JMY: variants seen among roughly 807,000 people sequenced by gnomAD.
JMY encodes the protein junction-mediating and -regulatory protein.
JMY carries 46 observed loss-of-function variants against 103.3 expected under a neutral mutation model. The observed-to-expected ratio is 0.45, with a 90% CI of 0.35 to 0.57. The LOEUF is 0.57. JMY is among the 20% of genes least tolerant of loss of function. JMY has a pLI of 0.00. For synonymous variants in JMY, 526 were observed against 489.3 expected (o/e 1.07, Z -0.99); for missense variants, 1,238 against 1,255.2 (o/e 0.99, Z 0.21).
intron 1 of JMY, among the ~76,000 whole-genome samples, chr5:79,241,050 T>C (rs1419707103): frequency 3.3e-5 from 5 of 152,230 alleles, no homozygotes; most frequent in African/African-American, 7.2e-5. Flanking sequence ...CTTCTTTAAT[T>C]TCTATGAATC....
chr5:79,326,792 A>G lies in JMY; in HGVS notation c.*5190A>G, dbSNP rs1391859538. 1 of 152,218 alleles carries G rather than the reference A, an allele frequency of 6.6e-6. No individual in the cohort carries two copies. Among genetic ancestry groups the G allele is most frequent in the African/African-American group, 2.4e-5 (1 of 41,468 alleles). 9.4% of individuals were successfully genotyped at this position (152,218 alleles called of 1,614,324 possible). A position where few individuals can be genotyped will look rare whatever the true frequency, so the allele number is the denominator to read the frequency against. On this transcript the variant is annotated 3_prime_UTR_variant, in exon 11 of 11. Transcript: ENST00000396137. ...AAAGGTAGAAGCAAAACACTAGCAC[A>G]TTGTGCTTTGCTTGGCTTGTAAGGA...
At chr5:79,252,778 T>C (rs1745127572) in intron 1 of JMY, among the ~76,000 whole-genome samples, 1 of 152,254 alleles carries the variant, frequency 6.6e-6, no homozygotes, top group Admixed American at 6.5e-5. Flanking sequence ...TCCTGCTTTG[T>C]TTCCATTGAC....
intron 5 of JMY, 112 bp from the exon 6 acceptor site, chr5:79,300,564 A>AG: frequency 1.2e-6 from 1 of 834,296 alleles, no homozygotes; most frequent in Non-Finnish European, 1.8e-6. Flanking sequence ...GAAGCTTAAG[A>AG]GATAATGGCT....
Position 79,323,254 on chromosome 5 carries a change from A to C in JMY, c.*1652A>C, listed in dbSNP as rs1580381206. Reference sequence around the variant, plus strand: ...GGCGTGAGCCTCTGTGCCCAGCCTGACAAAATCTTTTATTTATTTAAATGT... The same window carrying C: ...GGCGTGAGCCTCTGTGCCCAGCCTGCCAAAATCTTTTATTTATTTAAATGT... On this transcript the variant is annotated 3_prime_UTR_variant, in exon 11 of 11. Transcript: ENST00000396137. The C allele has an allele frequency of 6.6e-6, 1 of 152,346 alleles. No individual in the cohort carries two copies. The highest frequency in any genetic ancestry group is 1.9e-4 in the East Asian group (1 of 5,184). The allele number at this position is 152,346 out of a possible 1,614,324, so 9.4% of individuals were successfully genotyped here.
chr5:79,324,905 G>GAA lies in JMY; in HGVS notation c.*3309_*3310dup, dbSNP rs1286214521. Reference sequence around the variant, plus strand: ...ACTTTGACTTACTCTATGTAATAAGGAAAAAAATTGTTTCCACAAAGTTGA... The same window carrying GAA: ...ACTTTGACTTACTCTATGTAATAAGGAAAAAAAAATTGTTTCCACAAAGTTGA... On this transcript the variant is annotated 3_prime_UTR_variant, in exon 11 of 11. Coordinates refer to ENST00000396137, the MANE Select transcript of JMY (RefSeq NM_152405.5). 1.3e-5 allele frequency: 2 copies of GAA among 152,484 alleles called. No homozygotes were observed. The highest frequency in any genetic ancestry group is 4.8e-5 in the African/African-American group (2 of 41,424). The allele number at this position is 152,484 out of a possible 1,614,324, so 9.4% of individuals were successfully genotyped here.
At position 79,327,015 on chromosome 5, in the gene JMY, G is replaced by T. The variant is rs1580384524; in HGVS notation, c.*5413G>T. ...TTTGACTGTTGCCTTTTGCTCTTTAGTGCAGCTTTTCTGCATTGTAATTGT... is the reference window on the plus strand; with the variant it reads ...TTTGACTGTTGCCTTTTGCTCTTTATTGCAGCTTTTCTGCATTGTAATTGT... On this transcript the variant is annotated 3_prime_UTR_variant, in exon 11 of 11. Transcript: ENST00000396137. The T allele has an allele frequency of 5.3e-5, 8 of 152,166 alleles. No individual in the cohort carries two copies. 9.4% of individuals were successfully genotyped at this position (152,166 alleles called of 1,614,324 possible).
chr5:79,316,581 A>G (rs1747228195), intron 10 of JMY, among the ~76,000 whole-genome samples: 1 of 152,034 alleles, frequency 6.6e-6, no homozygotes, highest in South Asian at 2.1e-4. Context: ...TGTAATTGCA[A>G]GTAAAGTGAC....
At chr5:79,280,544 C>T (rs1478864163) in intron 2 of JMY, among the ~76,000 whole-genome samples, 1 of 152,088 alleles carries the variant, frequency 6.6e-6, no homozygotes. Context: ...AGAAAATGCC[C>T]CATCAATCAT....
At chr5:79,288,352 TTC>T (rs1207205698) in intron 2 of JMY, among the ~76,000 whole-genome samples, 2 of 152,178 alleles carry the variant, frequency 1.3e-5, no homozygotes, top group Non-Finnish European at 2.9e-5. Flanking sequence ...TCAGTGGTTT[TTC>T]TCTCTTTATG....
rs544157105 is a variant in JMY at position 79,247,715 on chromosome 5, C to A, written c.1032+10033C>A. Among the ~76,000 whole-genome samples the A allele has an allele frequency of 3.3e-5, 5 of 151,842 alleles. No homozygotes were observed. In the South Asian group the frequency reaches 8.3e-4, roughly 25 times the overall value. ...TTGCCCAGGATGGAGTATAGTGGCA[C>A]AATCTCTGCTCACTGCAACTTCCAC... On this transcript the variant is annotated intron_variant, in intron 1 of 10. Transcript: ENST00000396137.
rs1446273538 is a variant in JMY at position 79,277,928 on chromosome 5, A to T, written c.1051A>T (p.Asn351Tyr). ...RIQELLDKHK[N>Y]TESMVELLDL... ...TCCACAGCTCTTGGATAAGCACAAG[A>T]ATACAGAGAGCATGGTGGAGCTTCT... Residue 351 changes from asparagine (N) to tyrosine (Y), a missense_variant, in exon 2 of 11, where the codon AAT (asparagine) becomes TAT (tyrosine). Transcript: ENST00000396137. 2.5e-6 allele frequency: 4 copies of T among 1,613,522 alleles called. No individual in the cohort carries two copies.
Position 79,290,101 on chromosome 5 carries a change from T to A in JMY, c.1207-20T>A. 1 of 1,553,852 alleles carries A rather than the reference T, an allele frequency of 6.4e-7. No individual in the cohort carries two copies. Among genetic ancestry groups the A allele is most frequent in the South Asian group, 1.2e-5 (1 of 81,500 alleles). The stretch of plus-strand genomic sequence containing the variant: ...GAAGAAAGACTTGAACTTCTTAATT[T>A]TTTCTTTTTCTCTCTGAAGATTTCC... On this transcript the variant is annotated intron_variant, in intron 2 of 10. Transcript: ENST00000396137.
intron 6 of JMY, 49 bp from the exon 7 acceptor site, chr5:79,306,324 CAG>C: frequency 7.7e-7 from 1 of 1,293,630 alleles, no homozygotes; most frequent in Non-Finnish European, 1.1e-6. Context: ...GTGTGGTGTT[CAG>C]AGTCTTTCAA....
At chr5:79,285,292 C>T (rs1460031148) in intron 2 of JMY, among the ~76,000 whole-genome samples, 1 of 152,022 alleles carries the variant, frequency 6.6e-6, no homozygotes, top group Non-Finnish European at 1.5e-5. Flanking sequence ...CCCCCACCCG[C>T]CCACTGCCAG....
At chr5:79,278,351 A>G (rs752888213) in intron 2 of JMY, among the ~76,000 whole-genome samples, 1 of 152,026 alleles carries the variant, frequency 6.6e-6, no homozygotes, top group Non-Finnish European at 1.5e-5. Context: ...TTGTAAATAC[A>G]TTGGGAGGAT....
intron 1 of JMY, among the ~76,000 whole-genome samples, chr5:79,245,268 G>GTA (rs1192438754): frequency 6.6e-6 from 1 of 152,120 alleles, no homozygotes; most frequent in Non-Finnish European, 1.5e-5. Flanking sequence ...ACAAATAGTA[G>GTA]TATAGGCACT....
chr5:79,246,034 C>T (rs1345056438), intron 1 of JMY, among the ~76,000 whole-genome samples: 1 of 152,172 alleles, frequency 6.6e-6, no homozygotes, highest in Non-Finnish European at 1.5e-5. Context: ...CTTTGAAGTA[C>T]AAAGGGCATT....
intron 2 of JMY, chr5:79,284,798 T>A: frequency 1.3e-6 from 2 of 1,577,626 alleles, no homozygotes; most frequent in Non-Finnish European, 8.6e-7. Context: ...ATATTTCTTA[T>A]ATTGAACATA....
At chr5:79,315,915 C>T (rs1200605744) in intron 9 of JMY, 85 bp from the exon 10 acceptor site, 8 of 1,141,280 alleles carry the variant, frequency 7.0e-6, no homozygotes, top group Non-Finnish European at 3.8e-6. Context: ...TGTGCTTTCA[C>T]AGTTGCGAAC....
Sources: allele counts gnomAD v4.1 joint callset (sites outside exome capture counted in the v4.1 genomes callset), GRCh38; gene constraint gnomAD v4.1.1; transcripts MANE v1.5; gene names NCBI Gene and HGNC (gene_info 2026-07-23, HGNC 2026-07-21).